The following MTA3 variants were observed in gnomAD, a reference collection of about 807,000 sequenced individuals.
The protein encoded by MTA3 is metastasis associated 1 family member 3.
MTA3 carries 34 observed loss-of-function variants against 83.5 expected under a neutral mutation model. The observed-to-expected ratio is 0.41, with a 90% CI of 0.31 to 0.54. The LOEUF (loss-of-function observed/expected upper bound fraction) is 0.54. Among genes scored for constraint, MTA3 ranks in the 20% least tolerant of loss-of-function variants. MTA3 has a pLI of 0.33. For synonymous variants in MTA3, 303 were observed against 252.7 expected (o/e 1.20, Z -1.89); for missense variants, 761 against 726.4 (o/e 1.05, Z -0.55).
intron 3 of MTA3, among the ~76,000 whole-genome samples, chr2:42,595,127 T>TTTG (rs1681632062): frequency 7.0e-6 from 1 of 143,468 alleles, no homozygotes; most frequent in Admixed American, 7.2e-5. Context: ...TTTTTTTTTT[T>TTTG]GAGACAGAGT....
intron 4 of MTA3, among the ~76,000 whole-genome samples, chr2:42,637,047 G>A (rs538812094): frequency 6.6e-6 from 1 of 152,330 alleles, no homozygotes; most frequent in Non-Finnish European, 1.5e-5. Flanking sequence ...GCAAGTAGCA[G>A]ATTCCAGGCT....
At chr2:42,600,798 C>T (rs1011050227) in intron 3 of MTA3, among the ~76,000 whole-genome samples, 5 of 152,136 alleles carry the variant, frequency 3.3e-5, no homozygotes, top group Admixed American at 6.6e-5. Flanking sequence ...GCCTTGGCCT[C>T]GCAAAGTTCT....
chr2:42,605,026 C>T (rs1338139710), intron 3 of MTA3, among the ~76,000 whole-genome samples: 2 of 150,782 alleles, frequency 1.3e-5, no homozygotes, highest in Non-Finnish European at 3.0e-5. Context: ...TCAATCTTTT[C>T]CCCACCTTTC....
At chr2:42,518,969 ACACACACACACAC>A (rs1675285300) in intron 2 of MTA3, among the ~76,000 whole-genome samples, 1 of 68 alleles carries the variant, frequency 0.015, no homozygotes, top group African/African-American at 0.083. Flanking sequence ...CTTTCTCAAA[ACACACACACACAC>A]ACACACACAC....
Position 42,609,534 on chromosome 2 carries a change from G to A in MTA3, c.267G>A (p.Arg89=). ...TDKQKHQLKH[R]ELFLSRQYES... ...AGCAGAAACATCAGTTGAAACATAG[G>A]GAACTCTTTTTGTCACGCCAGTATG... is the stretch of plus-strand genomic sequence containing the variant. The change falls in exon 4 of 17, where the codon AGG becomes AGA. Residue 89 remains arginine (R), a synonymous_variant. Coordinates refer to ENST00000405094, the MANE Select transcript of MTA3 (RefSeq NM_001330442.2). The A allele has an allele frequency of 6.2e-7, 1 of 1,613,810 alleles. No individual in the cohort carries two copies. The highest frequency in any genetic ancestry group is 8.5e-7 in the Non-Finnish European group (1 of 1,179,822).
intron 3 of MTA3, among the ~76,000 whole-genome samples, chr2:42,585,214 G>A (rs1190791652): frequency 6.6e-6 from 1 of 151,600 alleles, no homozygotes; most frequent in African/African-American, 2.4e-5. Flanking sequence ...TCAGCCTCCC[G>A]AGCAGCTGGG....
intron 16 of MTA3, among the ~76,000 whole-genome samples, chr2:42,740,319 G>A (rs34461013): frequency 0.02 from 3,068 of 152,256 alleles, 37 homozygotes; most frequent in Middle Eastern, 0.065. Flanking sequence ...AAGACCAGCC[G>A]GGACAACATA....
At chr2:42,591,427 G>A (rs1680976771) in intron 3 of MTA3, among the ~76,000 whole-genome samples, 1 of 152,096 alleles carries the variant, frequency 6.6e-6, no homozygotes, top group African/African-American at 2.4e-5. Flanking sequence ...ACTAAACACT[G>A]TACACTTAGG....
At chr2:42,660,816 A>G (rs916102324) in intron 8 of MTA3, among the ~76,000 whole-genome samples, 2 of 152,224 alleles carry the variant, frequency 1.3e-5, no homozygotes, top group African/African-American at 4.8e-5. Flanking sequence ...ATTTATTTTG[A>G]TAATGTAAGA....
intron 3 of MTA3, among the ~76,000 whole-genome samples, chr2:42,586,521 CAAAG>C (rs1433800863): frequency 1.7e-4 from 23 of 132,586 alleles, no homozygotes; most frequent in African/African-American, 5.9e-4. Context: ...CACAAACACA[CAAAG>C]GAAGGAAAAA....
At chr2:42,556,521 C>T (rs1438608378) in intron 2 of MTA3, among the ~76,000 whole-genome samples, 1 of 152,228 alleles carries the variant, frequency 6.6e-6, no homozygotes, top group African/African-American at 2.4e-5. Context: ...CTGACACCAG[C>T]ATCATAAATA....
At chr2:42,609,988 C>T (rs1019341749) in intron 4 of MTA3, among the ~76,000 whole-genome samples, 2 of 152,028 alleles carry the variant, frequency 1.3e-5, no homozygotes, top group Non-Finnish European at 2.9e-5. Context: ...TAATCCTAGC[C>T]ACTCAGGAGG....
chr2:42,572,001 G>A (rs957107506), intron 2 of MTA3, among the ~76,000 whole-genome samples: 1 of 151,900 alleles, frequency 6.6e-6, no homozygotes, highest in African/African-American at 2.4e-5. Flanking sequence ...AGGCTGGCTG[G>A]GCACGGTGGC....
upstream of MTA3, among the ~76,000 whole-genome samples, chr2:42,494,343 C>T (rs1274465462): frequency 6.6e-6 from 1 of 152,196 alleles, no homozygotes; most frequent in Non-Finnish European, 1.5e-5. Flanking sequence ...TTTTAACAGC[C>T]CTGGTTCAAA....
At chr2:42,585,951 T>A (rs1445176735) in intron 3 of MTA3, among the ~76,000 whole-genome samples, 2 of 151,688 alleles carry the variant, frequency 1.3e-5, no homozygotes, top group Admixed American at 6.6e-5. Flanking sequence ...TAAAAAAAAA[T>A]AAATTATAAA....
chr2:42,509,428 A>C (rs948443356), intron 2 of MTA3, among the ~76,000 whole-genome samples: 2 of 152,116 alleles, frequency 1.3e-5, no homozygotes, highest in African/African-American at 4.8e-5. Flanking sequence ...AGTTCACACC[A>C]ATACTCCCAG....
intron 2 of MTA3, among the ~76,000 whole-genome samples, chr2:42,503,562 T>G (rs1251646383): frequency 6.6e-6 from 1 of 152,206 alleles, no homozygotes; most frequent in Admixed American, 6.6e-5. Flanking sequence ...TTTAAACTAC[T>G]GTTACCTTCT....
At chr2:42,704,897 T>G (rs921840019) in intron 12 of MTA3, among the ~76,000 whole-genome samples, 3 of 152,182 alleles carry the variant, frequency 2.0e-5, no homozygotes, top group Admixed American at 6.5e-5. Flanking sequence ...CGTTAGGTAG[T>G]TGATAGACTT....
intron 3 of MTA3, among the ~76,000 whole-genome samples, chr2:42,607,913 T>C (rs1683688196): frequency 6.6e-6 from 1 of 152,236 alleles, no homozygotes. Flanking sequence ...ATTGTGCTAC[T>C]GCACTCTAGC....
Sources: allele counts gnomAD v4.1 joint callset (sites outside exome capture counted in the v4.1 genomes callset), GRCh38; gene constraint gnomAD v4.1.1; transcripts MANE v1.5; gene names NCBI Gene and HGNC (gene_info 2026-07-23, HGNC 2026-07-21).